Variants in ATXN10 observed in about 807,000 individuals in gnomAD.
ATXN10 encodes the protein ataxin-10.
A neutral mutation model predicts 52.9 loss-of-function variants in ATXN10; 28 were observed. The observed-to-expected ratio is 0.53, with a 90% CI of 0.39 to 0.73. The LOEUF (loss-of-function observed/expected upper bound fraction) is 0.73. Among genes scored for constraint, ATXN10 ranks in the 30% least tolerant of loss-of-function variants. ATXN10 has a pLI of 0.00. For synonymous variants in ATXN10, 226 were observed against 221.5 expected, an observed-to-expected ratio of 1.02 and a Z score of -0.18; for missense variants, 565 against 577.0, an observed-to-expected ratio of 0.98 and a Z score of 0.21.
rs948183760 is a variant in ATXN10 at position 45,688,845 on chromosome 22, A to G, written c.117-867A>G. ...GCAACTTTCCTTCTAACGTTAAAAG[A>G]GATTTGCTGTTTCTTTAGGGGATTT... On this transcript the variant is annotated intron_variant, in intron 1 of 11. Transcript: ENST00000252934. This position sits in a 1 kb window ranked among gnomAD's most constrained non-coding sequence, Gnocchi z 4.0. Among the ~76,000 whole-genome samples the G allele has an allele frequency of 6.6e-6, 1 of 152,162 alleles. No individual in the cohort carries two copies. The highest frequency in any genetic ancestry group is 2.4e-5 in the African/African-American group (1 of 41,428).
At chr22:45,729,759 C>G (rs1158000002) in intron 7 of ATXN10, 169 bp downstream of exon 7, 4 of 780,504 alleles carry the variant, frequency 5.1e-6, no homozygotes, top group Admixed American at 4.0e-5. Flanking sequence ...AAACAGTGTC[C>G]TTATTCCTAC....
At chr22:45,721,970 A>T (rs113270347) in intron 6 of ATXN10, among the ~76,000 whole-genome samples, 1 of 152,180 alleles carries the variant, frequency 6.6e-6, no homozygotes, top group Admixed American at 6.5e-5. Flanking sequence ...AAGGCAGACT[A>T]TGTAAGTACT....
intron 9 of ATXN10, among the ~76,000 whole-genome samples, chr22:45,802,296 A>G (rs1187021761): frequency 1.3e-5 from 2 of 152,220 alleles, no homozygotes; most frequent in Non-Finnish European, 2.9e-5. Context: ...AACTCCCAAC[A>G]TGTTAGTAAA....
chr22:45,698,734 C>T (rs114685746), intron 3 of ATXN10, among the ~76,000 whole-genome samples: 2,276 of 152,302 alleles, frequency 0.015, 53 homozygotes, highest in African/African-American at 0.052. Context: ...TAATATTTCT[C>T]ATCACCTTGA....
chr22:45,789,106 T>G lies in ATXN10; in HGVS notation c.1174-17853T>G, dbSNP rs2146862124. Among the ~76,000 whole-genome samples the G allele has an allele frequency of 6.6e-6, 1 of 152,298 alleles. No homozygotes were observed. Among genetic ancestry groups the G allele is most frequent in the East Asian group, 1.9e-4 (1 of 5,178 alleles). ...AAAGTCACTGCTCTGTATCAGTGCT[T>G]CTTCAGACTGTATCAGCACATCTTC... On this transcript the variant is annotated intron_variant, in intron 9 of 11. Transcript: ENST00000252934. The surrounding 1 kb of genome is among the most constrained non-coding windows in gnomAD (Gnocchi z 4.0).
At position 45,828,628 on chromosome 22, in the gene ATXN10, A is replaced by T. The variant is rs937181604; in HGVS notation, c.1238-14363A>T. ...AGAGCACTGTGAACAATTGTACACCATCAGTTTGGATAATGTAAATGAAAT... is the reference window on the plus strand; with the variant it reads ...AGAGCACTGTGAACAATTGTACACCTTCAGTTTGGATAATGTAAATGAAAT... On this transcript the variant is annotated intron_variant, in intron 10 of 11. Transcript: ENST00000252934. This position sits in a 1 kb window ranked among gnomAD's most constrained non-coding sequence, Gnocchi z 4.5. Among the ~76,000 whole-genome samples the T allele has an allele frequency of 3.3e-5, 5 of 152,248 alleles. No homozygotes were observed. Among genetic ancestry groups the T allele is most frequent in the African/African-American group, 1.2e-4 (5 of 41,464 alleles).
At chr22:45,694,926 G>GCA (rs1923533602) in intron 3 of ATXN10, among the ~76,000 whole-genome samples, 2 of 104,106 alleles carry the variant, frequency 1.9e-5, no homozygotes, top group Non-Finnish European at 3.4e-5. Context: ...GGGTGACAGA[G>GCA]CAAGACTCTG....
chr22:45,742,644 G>T (rs999753461), intron 9 of ATXN10, among the ~76,000 whole-genome samples: 7 of 152,144 alleles, frequency 4.6e-5, no homozygotes, highest in African/African-American at 1.7e-4. Flanking sequence ...CAAAAGCGGG[G>T]AGAAAGATTG....
chr22:45,825,638 C>T lies in ATXN10; in HGVS notation c.1238-17353C>T, dbSNP rs745662948. Among the ~76,000 whole-genome samples, 1 of 152,078 alleles carries T rather than the reference C, an allele frequency of 6.6e-6. No homozygotes were observed. The highest frequency in any genetic ancestry group is 1.5e-5 in the Non-Finnish European group (1 of 68,012). On this transcript the variant is annotated intron_variant, in intron 10 of 11. Transcript: ENST00000252934. The surrounding 1 kb of genome is among the most constrained non-coding windows in gnomAD (Gnocchi z 4.5). ...ATTTAAAAAACAATCATAAGGCATA[C>T]ATAAGAAACAGGAAAGTAGGCCCAT...
chr22:45,804,752 G>C (rs1056693628), intron 9 of ATXN10, among the ~76,000 whole-genome samples: 1 of 152,154 alleles, frequency 6.6e-6, no homozygotes, highest in Non-Finnish European at 1.5e-5. Flanking sequence ...ATAAAACACA[G>C]AGGATTCCAA....
chr22:45,677,340 A>G lies in ATXN10; in HGVS notation c.116+5161A>G, dbSNP rs867598262. 3 of 152,132 alleles carry G rather than the reference A, an allele frequency of 2.0e-5. No homozygotes were observed. Among genetic ancestry groups the G allele is most frequent in the African/African-American group, 4.8e-5 (2 of 41,424 alleles). The allele number at this position is 152,132 out of a possible 1,614,324, so 9.4% of individuals were successfully genotyped here. On this transcript the variant is annotated intron_variant, in intron 1 of 11. Coordinates refer to ENST00000252934, the MANE Select transcript of ATXN10 (RefSeq NM_013236.4). This position sits in a 1 kb window ranked among gnomAD's most constrained non-coding sequence, Gnocchi z 4.1. ...TTCTTGTGGAGTTGCTGCTATTTCT[A>G]TAACTTATTACTCATTGCACTTGCT... is the stretch of plus-strand genomic sequence containing the variant.
At chr22:45,812,139 G>A (rs917825319) in intron 10 of ATXN10, among the ~76,000 whole-genome samples, 8 of 152,060 alleles carry the variant, frequency 5.3e-5, no homozygotes, top group African/African-American at 1.4e-4. Context: ...CACACCCAGC[G>A]TTCTGTGTCT....
intron 6 of ATXN10, among the ~76,000 whole-genome samples, chr22:45,720,400 G>A (rs1397678492): frequency 6.6e-6 from 1 of 151,392 alleles, no homozygotes; most frequent in East Asian, 1.9e-4. Flanking sequence ...TCTCAAGTGT[G>A]ATCGTAGTGC....
intron 9 of ATXN10, chr22:45,740,924 C>T (rs1925508817): frequency 6.5e-6 from 1 of 154,116 alleles, no homozygotes; most frequent in Non-Finnish European, 1.4e-5. Context: ...GCCTTTTCTT[C>T]TAGATGTTTT....
Position 45,746,800 on chromosome 22 carries a change from T to TA in ATXN10, c.1173+6263dup, listed in dbSNP as rs1399859391. On this transcript the variant is annotated intron_variant, in intron 9 of 11. Coordinates refer to ENST00000252934, the MANE Select transcript of ATXN10 (RefSeq NM_013236.4). ...TCTGCCCTCTGCTCACCCCCTGACT[T>TA]ACACTCTACCTATAATCAGTTTCTG... Among the ~76,000 whole-genome samples, 3 of 152,326 alleles carry TA rather than the reference T, an allele frequency of 2.0e-5. No individual in the cohort carries two copies. The East Asian group carries it at 5.8e-4, about 29-fold the overall frequency.
chr22:45,826,313 A>G lies in ATXN10; in HGVS notation c.1238-16678A>G, dbSNP rs1217570968. 2.0e-5 allele frequency among the ~76,000 whole-genome samples: 3 copies of G among 152,200 alleles called. No homozygotes were observed. Among genetic ancestry groups the G allele is most frequent in the Non-Finnish European group, 4.4e-5 (3 of 68,042 alleles). On this transcript the variant is annotated intron_variant, in intron 10 of 11. Transcript: ENST00000252934. The surrounding 1 kb of genome is among the most constrained non-coding windows in gnomAD (Gnocchi z 5.0). The stretch of plus-strand genomic sequence containing the variant: ...ACAGAGCCTAAGGGATATGTGGAAC[A>G]CCATCAAGCCAACCAACATACGCAT...
In ATXN10 at chr22:45,763,185, G is replaced by C. The variant is rs1926460919; in HGVS notation, c.1173+22647G>C. Among the ~76,000 whole-genome samples, 2 of 152,192 alleles carry C rather than the reference G, an allele frequency of 1.3e-5. No homozygotes were observed. Among genetic ancestry groups the C allele is most frequent in the African/African-American group, 4.8e-5 (2 of 41,446 alleles). On this transcript the variant is annotated intron_variant, in intron 9 of 11. Transcript: ENST00000252934. This position sits in a 1 kb window ranked among gnomAD's most constrained non-coding sequence, Gnocchi z 6.9. ...CCCTGGTGACTCTCAGTTGGGGAGG[G>C]CTGCCGGGCAGTGTTCTGGGGGCAG...
At position 45,769,723 on chromosome 22, in the gene ATXN10, G is replaced by C. The variant is rs74391605; in HGVS notation, c.1173+29185G>C. Among the ~76,000 whole-genome samples, 13,820 of 152,194 alleles carry C rather than the reference G, an allele frequency of 0.091. 812 individuals carry two copies. The highest frequency in any genetic ancestry group is 0.15 in the Middle Eastern group (45 of 294). ...GGGCATCTTCCTGGCCAGGAGCCAG[G>C]CCTCTTTTCTCTTGCCTTCTCGAGT... On this transcript the variant is annotated intron_variant, in intron 9 of 11. Coordinates refer to ENST00000252934, the MANE Select transcript of ATXN10 (RefSeq NM_013236.4). The surrounding 1 kb of genome is among the most constrained non-coding windows in gnomAD (Gnocchi z 4.2).
chr22:45,821,489 G>A (rs1330042356), intron 10 of ATXN10, among the ~76,000 whole-genome samples: 27 of 152,098 alleles, frequency 1.8e-4, no homozygotes, highest in Admixed American at 1.8e-3. Flanking sequence ...GGTTTCTGAT[G>A]CAGAAAAAGC....
Sources: gnomAD v4.1 joint callset for allele counts (sites outside exome capture counted in the v4.1 genomes callset) on GRCh38, gnomAD v4.1.1 for gene constraint, Gnocchi (gnomAD v3.1) non-coding constraint, MANE v1.5 for transcripts, NCBI Gene and HGNC (gene_info 2026-07-23, HGNC 2026-07-21) for gene names.